The following NLGN1 variants were observed in gnomAD, a reference collection of about 807,000 sequenced individuals.
NLGN1 encodes the protein neuroligin-1.
Under a neutral mutation model 65.5 loss-of-function variants are expected in NLGN1, and 12 were observed. The observed-to-expected ratio is 0.18, with a 90% CI of 0.12 to 0.30. The LOEUF is 0.30. Among genes scored for constraint, NLGN1 ranks in the 10% least tolerant of loss-of-function variants. The pLI is 1.00. For missense variants in NLGN1, 750 were observed against 1,007.1 expected, an observed-to-expected ratio of 0.74 and a Z score of 3.46; for synonymous variants, 350 against 359.5, an observed-to-expected ratio of 0.97 and a Z score of 0.30.
At chr3:174,253,190 G>GAA (rs10576184) in intron 4 of NLGN1, among the ~76,000 whole-genome samples, 1 of 150,238 alleles carries the variant, frequency 6.7e-6, no homozygotes, top group Non-Finnish European at 1.5e-5. Context: ...CAATGTAAAA[G>GAA]AAAAAAAAAT....
At chr3:173,569,571 T>C (rs1744285898) in intron 2 of NLGN1, among the ~76,000 whole-genome samples, 1 of 148,622 alleles carries the variant, frequency 6.7e-6, no homozygotes. Context: ...AAATATCTGT[T>C]TTCTCATCAT....
chr3:173,600,286 A>G (rs1750263547), intron 2 of NLGN1, among the ~76,000 whole-genome samples: 1 of 152,018 alleles, frequency 6.6e-6, no homozygotes. Flanking sequence ...TCATGACTAT[A>G]GAACATAACT....
intron 3 of NLGN1, among the ~76,000 whole-genome samples, chr3:173,690,194 G>A (rs1765265622): frequency 6.6e-6 from 1 of 152,148 alleles, no homozygotes; most frequent in African/African-American, 2.4e-5. Flanking sequence ...CGTGGATTCA[G>A]GTTAGAACGG....
intron 3 of NLGN1, among the ~76,000 whole-genome samples, chr3:173,685,419 A>T (rs1679822640): frequency 6.6e-6 from 1 of 152,198 alleles, no homozygotes; most frequent in South Asian, 2.1e-4. Context: ...TGCATCAATA[A>T]TTTGAACTGT....
intron 2 of NLGN1, among the ~76,000 whole-genome samples, chr3:173,491,647 A>G (rs1222788802): frequency 1.3e-5 from 2 of 151,594 alleles, no homozygotes; most frequent in Admixed American, 6.6e-5. Flanking sequence ...TCTGGGTTTC[A>G]TGTCTGCTAA....
chr3:173,689,643 C>G (rs545660786), intron 3 of NLGN1, among the ~76,000 whole-genome samples: 1 of 152,084 alleles, frequency 6.6e-6, no homozygotes, highest in African/African-American at 2.4e-5. Context: ...GGCTCCCATG[C>G]GCTGCAAAAT....
At chr3:174,002,213 C>T (rs919373855) in intron 4 of NLGN1, among the ~76,000 whole-genome samples, 13 of 152,138 alleles carry the variant, frequency 8.5e-5, no homozygotes, top group African/African-American at 2.2e-4. Flanking sequence ...GTGCAGCCTC[C>T]GCCTCCTCGG....
At chr3:173,651,900 C>T (rs889574152) in intron 3 of NLGN1, among the ~76,000 whole-genome samples, 14 of 152,136 alleles carry the variant, frequency 9.2e-5, no homozygotes, top group African/African-American at 3.1e-4. Context: ...TCAAGCGATT[C>T]TCCTGCCTCA....
At chr3:174,058,580 T>C (rs944226689) in intron 4 of NLGN1, among the ~76,000 whole-genome samples, 1 of 152,146 alleles carries the variant, frequency 6.6e-6, no homozygotes, top group African/African-American at 2.4e-5. Flanking sequence ...CATAAGTAAG[T>C]AGATGAATAT....
chr3:173,490,970 C>T (rs947213857), intron 2 of NLGN1, among the ~76,000 whole-genome samples: 3 of 151,594 alleles, frequency 2.0e-5, no homozygotes, highest in Admixed American at 6.6e-5. Flanking sequence ...GCTGAAGTTG[C>T]TTATCAGCTT....
intron 2 of NLGN1, among the ~76,000 whole-genome samples, chr3:173,540,604 T>C (rs1167504491): frequency 1.3e-5 from 2 of 152,122 alleles, no homozygotes; most frequent in African/African-American, 4.8e-5. Context: ...CATGGGTCCA[T>C]GAAATCTTAA....
intron 2 of NLGN1, among the ~76,000 whole-genome samples, chr3:173,596,104 A>G (rs1749446001): frequency 6.6e-6 from 1 of 152,220 alleles, no homozygotes; most frequent in Admixed American, 6.5e-5. Context: ...ATTTAAAAAA[A>G]TATTTTGTTG....
chr3:173,579,677 G>T (rs1983062), intron 2 of NLGN1, among the ~76,000 whole-genome samples: 73,825 of 152,088 alleles, frequency 0.49, 18,288 homozygotes, highest in East Asian at 0.73. Flanking sequence ...AAGCAGGATT[G>T]TGGGAGTAGA....
At chr3:173,823,326 G>C (rs1056217224) in intron 4 of NLGN1, among the ~76,000 whole-genome samples, 2 of 151,916 alleles carry the variant, frequency 1.3e-5, no homozygotes, top group African/African-American at 4.8e-5. Flanking sequence ...CCATGTTAGA[G>C]AAAAGTAAGA....
intron 2 of NLGN1, among the ~76,000 whole-genome samples, chr3:173,586,154 G>A: frequency 6.6e-6 from 1 of 152,080 alleles, no homozygotes; most frequent in East Asian, 1.9e-4. Context: ...AAGCCAATTC[G>A]TTAAATTTTA....
intron 3 of NLGN1, among the ~76,000 whole-genome samples, chr3:173,609,289 T>C (rs73880516): frequency 0.053 from 8,093 of 152,040 alleles, 284 homozygotes; most frequent in African/African-American, 0.095. Context: ...TTAACTTGCT[T>C]TTCTATTTAC....
chr3:173,490,094 A>T (rs558204472), intron 2 of NLGN1, among the ~76,000 whole-genome samples: 1 of 151,976 alleles, frequency 6.6e-6, no homozygotes, highest in African/African-American at 2.4e-5. Flanking sequence ...GTTTAATTTG[A>T]TCCCACTTGT....
At chr3:173,650,074 T>G (rs1299013057) in intron 3 of NLGN1, among the ~76,000 whole-genome samples, 1 of 152,140 alleles carries the variant, frequency 6.6e-6, no homozygotes, top group African/African-American at 2.4e-5. Context: ...TATTTCTTAT[T>G]TCTCATTTGT....
intron 4 of NLGN1, among the ~76,000 whole-genome samples, chr3:173,810,735 A>T (rs755397960): frequency 6.6e-6 from 1 of 150,580 alleles, no homozygotes; most frequent in African/African-American, 2.5e-5. Context: ...ATCTCATGTT[A>T]AAAAAAATTT....
Sources: gnomAD v4.1 joint callset for allele counts (sites outside exome capture counted in the v4.1 genomes callset) on GRCh38, gnomAD v4.1.1 for gene constraint, MANE v1.5 for transcripts, NCBI Gene and HGNC (gene_info 2026-07-23, HGNC 2026-07-21) for gene names.